The following GRM4 variants were observed in gnomAD, a reference collection of about 807,000 sequenced individuals.
The protein encoded by GRM4 is metabotropic glutamate receptor 4.
Under a neutral mutation model 81.7 loss-of-function variants are expected in GRM4, and 28 were observed. The observed-to-expected ratio is 0.34, with a 90% CI of 0.25 to 0.47. The LOEUF is 0.47. Among genes scored for constraint, GRM4 ranks in the 20% least tolerant of loss-of-function variants. The pLI, the probability that GRM4 is intolerant of heterozygous loss-of-function variation, is 1.00. For synonymous variants in GRM4, 488 were observed against 528.8 expected, an observed-to-expected ratio of 0.92 and a Z score of 1.06; for missense variants, 948 against 1,290.0, an observed-to-expected ratio of 0.73 and a Z score of 4.06.
At chr6:34,150,354 C>A (rs1429884813), upstream of GRM4, among the ~76,000 whole-genome samples, 1 of 152,212 alleles carries the variant, frequency 6.6e-6, no homozygotes, top group Non-Finnish European at 1.5e-5. Flanking sequence ...GAGAGGCCTT[C>A]ACACATGCTG....
chr6:34,093,476 A>G (rs2451351), intron 2 of GRM4, among the ~76,000 whole-genome samples: 141,445 of 152,314 alleles, frequency 0.93, 65,788 homozygotes, highest in African/African-American at 0.97. Flanking sequence ...GCTTCCTTCT[A>G]GTGGGAGGAG....
chr6:34,030,687 G>A (rs1028023097), intron 9 of GRM4, among the ~76,000 whole-genome samples: 5 of 152,286 alleles, frequency 3.3e-5, no homozygotes, highest in South Asian at 2.1e-4. Context: ...ATATTGAATC[G>A]TGGATAATTT....
chr6:34,105,294 G>C (rs1769064768), intron 2 of GRM4, among the ~76,000 whole-genome samples: 1 of 152,022 alleles, frequency 6.6e-6, no homozygotes, highest in African/African-American at 2.4e-5. Context: ...GGGGAAAAGG[G>C]TCCTGACCCC....
chr6:34,098,353 T>C lies in GRM4; in HGVS notation c.520-6254A>G, dbSNP rs187509609. ...GTGCTGACTGAGCTGCTCCGGCCCA[T>C]GTTCCCACCCTCCTGGGCATGCCCT... On this transcript the variant is annotated intron_variant, in intron 2 of 10. Coordinates refer to ENST00000538487, the MANE Select transcript of GRM4 (RefSeq NM_000841.4). Among the ~76,000 whole-genome samples, 4 of 152,290 alleles carry C rather than the reference T, an allele frequency of 2.6e-5. No homozygotes were observed. In the East Asian group the frequency reaches 7.7e-4, roughly 29 times the overall value.
intron 9 of GRM4, among the ~76,000 whole-genome samples, chr6:34,032,603 G>T (rs1764492964): frequency 6.6e-6 from 1 of 152,246 alleles, no homozygotes; most frequent in East Asian, 1.9e-4. Context: ...CTGGTGTGAG[G>T]CCAGCCTGTC....
At chr6:34,143,599 C>G (rs1048182315) in intron 1 of GRM4, among the ~76,000 whole-genome samples, 3 of 152,236 alleles carry the variant, frequency 2.0e-5, no homozygotes, top group African/African-American at 7.2e-5. Flanking sequence ...CCCTGAGGCC[C>G]TTCTGGGCTC....
intron 6 of GRM4, among the ~76,000 whole-genome samples, chr6:34,041,951 T>C (rs1390760533): frequency 6.6e-6 from 1 of 152,224 alleles, no homozygotes; most frequent in Non-Finnish European, 1.5e-5. Context: ...ATCACCTCCA[T>C]TGTAGAGATG....
At chr6:34,104,830 G>A (rs749318780) in intron 2 of GRM4, among the ~76,000 whole-genome samples, 5 of 152,180 alleles carry the variant, frequency 3.3e-5, no homozygotes, top group Non-Finnish European at 5.9e-5. Context: ...TGACGGGTAA[G>A]GACAGGGAGG....
chr6:34,086,213 C>A (rs546010904), intron 3 of GRM4, among the ~76,000 whole-genome samples: 1 of 152,232 alleles, frequency 6.6e-6, no homozygotes, highest in African/African-American at 2.4e-5. Context: ...CCGAGAGTCT[C>A]ACAGCCCACT....
intron 1 of GRM4, chr6:34,154,944 C>A (rs867081097): frequency 3.0e-6 from 2 of 657,794 alleles, no homozygotes; most frequent in South Asian, 3.4e-5. Context: ...TGGCCGAACG[C>A]CCTCATTGCA....
At chr6:34,095,027 G>A (rs1221382257) in intron 2 of GRM4, among the ~76,000 whole-genome samples, 2 of 152,190 alleles carry the variant, frequency 1.3e-5, no homozygotes, top group Non-Finnish European at 2.9e-5. Context: ...AATCCAGAGT[G>A]AGGCCCTGGC....
rs372108801 is a variant in GRM4, at chr6:34,040,293, G to A, written c.1391C>T (p.Thr464Ile). 1.2e-6 allele frequency: 2 copies of A among 1,614,072 alleles called. No individual in the cohort carries two copies. The highest frequency in any genetic ancestry group is 2.2e-5 in the East Asian group (1 of 44,900). Residue 464 changes from threonine (T) to isoleucine (I), a missense_variant, in exon 8 of 11, where the codon ACC becomes ATC. Coordinates refer to ENST00000538487, the MANE Select transcript of GRM4 (RefSeq NM_000841.4). The stretch of plus-strand genomic sequence containing the variant: ...AGGCGCATCTCCATTCTCATTGAAG[G>A]TCACAGGGTTCCCTGCGATGCCTGT... ...NFSGIAGNPV[T>I]FNENGDAPGR...
intron 10 of GRM4, among the ~76,000 whole-genome samples, chr6:34,025,142 T>C (rs544713615): frequency 4.6e-5 from 7 of 152,310 alleles, no homozygotes; most frequent in African/African-American, 1.7e-4. Context: ...GTTTCCCTGC[T>C]TGTAACTTGA....
At chr6:34,030,214 TG>T (rs140357921) in intron 9 of GRM4, among the ~76,000 whole-genome samples, 1,537 of 152,366 alleles carry the variant, frequency 0.01, 13 homozygotes, top group South Asian at 0.016. Flanking sequence ...GCTTGTCATC[TG>T]GGTCTTCACC....
At position 34,133,657 on chromosome 6, in the gene GRM4, T is replaced by TG; in HGVS notation, c.-162dup. The TG allele has an allele frequency of 7.1e-7, 1 of 1,417,424 alleles. No homozygotes were observed. The highest frequency in any genetic ancestry group is 2.5e-5 in the East Asian group (1 of 39,434). 87.8% of individuals were successfully genotyped at this position (1,417,424 alleles called of 1,614,324 possible). On this transcript the variant is annotated 5_prime_UTR_variant, in exon 2 of 11. The change creates a premature stop within an existing upstream ORF in the 5' untranslated region. Transcript: ENST00000538487. This position sits in a 1 kb window ranked among gnomAD's most constrained non-coding sequence, Gnocchi z 6.5. ...ATGCTGCTACCCTCTCCCACCTCCT[T>TG]GTCACTCGGGCCAAGCACAGTTGCC...
At position 34,059,183 on chromosome 6, in the gene GRM4, C is replaced by T; in HGVS notation, c.873-55G>A. ...CCGCGTCTGTCCACGAAACTGCCCC[C>T]ACTCCTGGCCACACTTGCTTTGGGC... On this transcript the variant is annotated intron_variant, in intron 4 of 10. Transcript: ENST00000538487. This position sits in a 1 kb window ranked among gnomAD's most constrained non-coding sequence, Gnocchi z 5.7. The T allele has an allele frequency of 6.5e-7, 1 of 1,534,958 alleles. No homozygotes were observed. The highest frequency in any genetic ancestry group is 2.3e-5 in the East Asian group (1 of 44,386).
At chr6:34,046,464 C>T (rs1040184575) in intron 6 of GRM4, among the ~76,000 whole-genome samples, 1 of 152,098 alleles carries the variant, frequency 6.6e-6, no homozygotes, top group Non-Finnish European at 1.5e-5. Context: ...GGGTGATGCC[C>T]GGAAGCATGA....
At chr6:34,076,412 C>T (rs909228678) in intron 3 of GRM4, among the ~76,000 whole-genome samples, 2 of 152,088 alleles carry the variant, frequency 1.3e-5, no homozygotes, top group African/African-American at 4.8e-5. Flanking sequence ...CCGCAGGCCA[C>T]TCCTTTTGGT....
rs1194052911 is a variant in GRM4, at chr6:34,056,417, C to T, written c.1168+127G>A. On this transcript the variant is annotated intron_variant, in intron 6 of 10. Transcript: ENST00000538487. ...CCCAACTCCACCCCAGGTGCAGGCC[C>T]AACTGCACGTCCTGCCACGGCCGGC... 13 of 822,260 alleles carry T rather than the reference C, an allele frequency of 1.6e-5. No individual in the cohort carries two copies. In the East Asian group the frequency reaches 3.5e-4, roughly 22 times the overall value. The allele number at this position is 822,260 out of a possible 1,614,324, so 50.9% of individuals were successfully genotyped here.
Sources: gnomAD v4.1 joint callset for allele counts (sites outside exome capture counted in the v4.1 genomes callset) on GRCh38, gnomAD v4.1.1 for gene constraint, Gnocchi (gnomAD v3.1) non-coding constraint, MANE v1.5 for transcripts, NCBI Gene and HGNC (gene_info 2026-07-23, HGNC 2026-07-21) for gene names.